IFT70B: variants seen among roughly 807,000 people sequenced by gnomAD.
The protein encoded by IFT70B is intraflagellar transport 70B, also known as intraflagellar transport protein 70B.
At chr2:177,552,661 C>G in the IFT70B span, 7 of 1,590,438 alleles carry the variant, frequency 4.4e-6, no homozygotes, top group African/African-American at 5.4e-5. Flanking sequence ...AGTTCTCCGC[C>G]CAGCAGCTGC....
At chr2:177,550,971 G>A in the IFT70B span, 7 of 1,613,968 alleles carry the variant, frequency 4.3e-6, no homozygotes, top group African/African-American at 8.0e-5. Context: ...TGTGTGTTTT[G>A]ACATGTTTTC....
chr2:177,551,122 A>G, the IFT70B span: 1 of 1,614,050 alleles, frequency 6.2e-7, no homozygotes, highest in African/African-American at 1.3e-5. Flanking sequence ...CCTATCACCA[A>G]ATTCACAATG....
chr2:177,552,476 C>G, the IFT70B span: 1 of 1,611,354 alleles, frequency 6.2e-7, no homozygotes, highest in Non-Finnish European at 8.5e-7. Flanking sequence ...GGGTGGCCTC[C>G]GCATAAAGGC....
chr2:177,551,617 C>G, the IFT70B span: 1 of 1,614,240 alleles, frequency 6.2e-7, no homozygotes, highest in Non-Finnish European at 8.5e-7. Flanking sequence ...AGCATCCCTG[C>G]TAGCCCATCA....
At chr2:177,550,675 CAT>C in the IFT70B span, 1 of 1,199,212 alleles carries the variant, frequency 8.3e-7, no homozygotes, top group Non-Finnish European at 1.2e-6. Flanking sequence ...CAAAGTTCAA[CAT>C]GTAACAAATA....
the IFT70B span, chr2:177,552,122 A>G: frequency 9.9e-6 from 16 of 1,614,114 alleles, no homozygotes; most frequent in Non-Finnish European, 1.4e-5. Context: ...CACGCTCAAT[A>G]ATCTCAGCGA....
chr2:177,550,779 C>G, the IFT70B span: 2 of 1,605,182 alleles, frequency 1.2e-6, no homozygotes, highest in Non-Finnish European at 1.7e-6. Flanking sequence ...TATATTCCAT[C>G]CTATAATCTC....
the IFT70B span, chr2:177,552,036 A>C: frequency 6.2e-7 from 1 of 1,614,214 alleles, no homozygotes; most frequent in Non-Finnish European, 8.5e-7. Flanking sequence ...ATGGAGGACT[A>C]AGGTGTTGCC....
At chr2:177,551,644 C>T in the IFT70B span, 1 of 1,614,206 alleles carries the variant, frequency 6.2e-7, no homozygotes, top group Non-Finnish European at 8.5e-7. Flanking sequence ...ATGAAAGCCT[C>T]TTCAGGAGCT....
chr2:177,551,535 T>C, the IFT70B span: 2 of 1,614,274 alleles, frequency 1.2e-6, no homozygotes, highest in Non-Finnish European at 1.7e-6. Flanking sequence ...CACTGCCTTT[T>C]TGATAGCTTC....
At chr2:177,551,321 GAA>G in the IFT70B span, 1 of 1,613,562 alleles carries the variant, frequency 6.2e-7, no homozygotes, top group East Asian at 2.2e-5. Flanking sequence ...TGGGTTCATA[GAA>G]ACCAATGGCT....
At chr2:177,552,314 G>T in the IFT70B span, 1 of 1,614,090 alleles carries the variant, frequency 6.2e-7, no homozygotes, top group Non-Finnish European at 8.5e-7. Context: ...TCTCATTCTC[G>T]CCCCCACTTT....
the IFT70B span, chr2:177,549,423 T>C: frequency 2.0e-5 from 3 of 152,354 alleles, no homozygotes; most frequent in South Asian, 6.2e-4. Context: ...AGTGGTTCCT[T>C]TTCCTTGAAG....
At chr2:177,552,094 C>T in the IFT70B span, 1 of 1,614,240 alleles carries the variant, frequency 6.2e-7, no homozygotes, top group Non-Finnish European at 8.5e-7. Flanking sequence ...ACACCTAGCT[C>T]AGGGTGCTGG....
At chr2:177,551,141 G>A in the IFT70B span, 36 of 1,613,952 alleles carry the variant, frequency 2.2e-5, no homozygotes, top group Admixed American at 3.2e-4. Context: ...TGCAGAGATG[G>A]TACATTTTCT....
chr2:177,552,393 T>C, the IFT70B span: 1 of 1,613,976 alleles, frequency 6.2e-7, no homozygotes, highest in South Asian at 1.1e-5. Context: ...GCCCTCGCTG[T>C]ACTTGATAGC....
At chr2:177,552,651 A>G in the IFT70B span, 8 of 1,590,268 alleles carry the variant, frequency 5.0e-6, no homozygotes, top group Non-Finnish European at 6.8e-6. Flanking sequence ...GCTCCGCTGC[A>G]GTTCTCCGCC....
the IFT70B span, chr2:177,552,618 G>A: frequency 1.4e-5 from 23 of 1,592,348 alleles, no homozygotes; most frequent in East Asian, 3.0e-4. Flanking sequence ...GCCTAGCAGC[G>A]ACAGGCCGGC....
At chr2:177,552,106 G>A in the IFT70B span, 58 of 1,614,100 alleles carry the variant, frequency 3.6e-5, no homozygotes, top group South Asian at 2.3e-4. Context: ...GGGTGCTGGC[G>A]GATGCCACGC....
Sources: gnomAD v4.1 joint callset for allele counts on GRCh38, gnomAD v4.1.1 for gene constraint, MANE v1.5 for transcripts, NCBI Gene and HGNC (gene_info 2026-07-23, HGNC 2026-07-21) for gene names.